The following RPS6KC1 variants were observed in gnomAD, a reference collection of about 807,000 sequenced individuals.
The protein encoded by RPS6KC1 is inactive ribosomal protein S6 kinase delta-1.
In RPS6KC1, 54 loss-of-function variants were observed where a neutral mutation model predicts 103.8. The observed-to-expected ratio is 0.52, with a 90% CI of 0.42 to 0.65. The LOEUF is 0.65. RPS6KC1 is among the 30% of genes least tolerant of loss of function. RPS6KC1 has a pLI of 0.00. For synonymous variants in RPS6KC1, 439 were observed against 438.7 expected (o/e 1.00, Z -0.01); for missense variants, 1,151 against 1,253.8 (o/e 0.92, Z 1.24).
the RPS6KC1 span, among the ~76,000 whole-genome samples, chr1:213,578,676 C>G: frequency 5.3e-5 from 8 of 152,224 alleles, no homozygotes; most frequent in African/African-American, 1.7e-4. Context: ...GGCCTGTAGC[C>G]CCTTCATTTT....
chr1:213,722,658 C>G, the RPS6KC1 span, among the ~76,000 whole-genome samples: 1 of 152,122 alleles, frequency 6.6e-6, no homozygotes, highest in South Asian at 2.1e-4. Flanking sequence ...CCAGAGTGAA[C>G]AAGGGACACC....
At chr1:213,168,051 A>G (rs1025622775) in intron 7 of RPS6KC1, 78 bp downstream of exon 7, 2 of 790,262 alleles carry the variant, frequency 2.5e-6, no homozygotes, top group Admixed American at 3.0e-5. Context: ...TCTAATTAGA[A>G]TGTTATAGGA....
intron 4 of RPS6KC1, among the ~76,000 whole-genome samples, chr1:213,115,840 A>T (rs944805884): frequency 3.9e-5 from 6 of 152,276 alleles, no homozygotes; most frequent in Non-Finnish European, 7.3e-5. Context: ...CAGGTTGTTC[A>T]GTTTCCATGT....
intron 1 of RPS6KC1, among the ~76,000 whole-genome samples, chr1:213,052,773 C>T (rs1293039862): frequency 6.6e-6 from 1 of 152,056 alleles, no homozygotes; most frequent in Admixed American, 6.6e-5. Context: ...AAGTCCTGAC[C>T]TCAGTTGATC....
At chr1:213,382,770 G>A in the RPS6KC1 span, among the ~76,000 whole-genome samples, 1 of 152,138 alleles carries the variant, frequency 6.6e-6, no homozygotes, top group Non-Finnish European at 1.5e-5. Context: ...TCATCGCTGT[G>A]CTGGACACCC....
the RPS6KC1 span, among the ~76,000 whole-genome samples, chr1:213,851,051 C>T: frequency 2.0e-5 from 3 of 151,976 alleles, no homozygotes; most frequent in Non-Finnish European, 4.4e-5. Context: ...GTAGCCAGTC[C>T]ACCTCTTCAT....
the RPS6KC1 span, among the ~76,000 whole-genome samples, chr1:213,447,339 C>G: frequency 1.3e-5 from 2 of 152,136 alleles, no homozygotes; most frequent in African/African-American, 4.8e-5. Context: ...ATACCCCAGC[C>G]TCCCAAAGTG....
At chr1:213,731,009 C>T in the RPS6KC1 span, among the ~76,000 whole-genome samples, 1 of 152,184 alleles carries the variant, frequency 6.6e-6, no homozygotes, top group Non-Finnish European at 1.5e-5. Context: ...GTTATCCCAG[C>T]ACCATTTATT....
At chr1:213,171,880 T>C (rs1355940067) in intron 7 of RPS6KC1, among the ~76,000 whole-genome samples, 2 of 152,148 alleles carry the variant, frequency 1.3e-5, no homozygotes, top group Non-Finnish European at 2.9e-5. Context: ...AAGCCAAAAA[T>C]TCATGGATGA....
intron 14 of RPS6KC1, among the ~76,000 whole-genome samples, chr1:213,263,975 CA>C (rs961948956): frequency 2.6e-4 from 40 of 151,724 alleles, no homozygotes; most frequent in African/African-American, 8.7e-4. Flanking sequence ...ATGGTTTGAA[CA>C]AAGGCAAGGA....
the RPS6KC1 span, among the ~76,000 whole-genome samples, chr1:213,453,854 A>C: frequency 6.6e-6 from 1 of 152,306 alleles, no homozygotes; most frequent in South Asian, 2.1e-4. Context: ...CCAGGTCTGA[A>C]CTGTGGCAGG....
the RPS6KC1 span, among the ~76,000 whole-genome samples, chr1:213,734,359 T>A: frequency 2.0e-5 from 3 of 152,374 alleles, no homozygotes; most frequent in South Asian, 6.2e-4. Context: ...AATGGCCACA[T>A]GAGAGTGGCT....
At chr1:213,250,740 A>G (rs772304409) in intron 12 of RPS6KC1, among the ~76,000 whole-genome samples, 6 of 152,226 alleles carry the variant, frequency 3.9e-5, no homozygotes, top group African/African-American at 7.2e-5. Flanking sequence ...CGAACCTGGA[A>G]TTAAAATGAA....
At chr1:213,829,430 G>T in the RPS6KC1 span, among the ~76,000 whole-genome samples, 1 of 152,166 alleles carries the variant, frequency 6.6e-6, no homozygotes. Flanking sequence ...GTGTTAGTAA[G>T]AAATCAGTGA....
At chr1:213,198,791 A>G (rs947047013) in intron 8 of RPS6KC1, among the ~76,000 whole-genome samples, 9 of 152,168 alleles carry the variant, frequency 5.9e-5, no homozygotes. Flanking sequence ...GTTATCTGCA[A>G]TCTCTTCTAG....
chr1:213,477,565 A>G, the RPS6KC1 span, among the ~76,000 whole-genome samples: 1 of 152,184 alleles, frequency 6.6e-6, no homozygotes, highest in South Asian at 2.1e-4. Context: ...TAAAATTTGT[A>G]GTTACTGATC....
rs1295672459 is a variant in RPS6KC1, at chr1:213,262,731, A to G, written c.3005A>G (p.Glu1002Gly). 6 of 1,605,606 alleles carry G rather than the reference A, an allele frequency of 3.7e-6. No homozygotes were observed. The highest frequency in any genetic ancestry group is 5.1e-6 in the Non-Finnish European group (6 of 1,172,282). ...FELLTGKTLV[E>G]CHPAGINTHT... Reference sequence around the variant, plus strand: ...GATTGATTGTTTCAGACTCTGGTTGAATGCCATCCAGCAGGAATAAATACT... The same window carrying G: ...GATTGATTGTTTCAGACTCTGGTTGGATGCCATCCAGCAGGAATAAATACT... Residue 1002 changes from glutamate (E) to glycine (G), a missense_variant, in exon 14 of 15, where the codon GAA (glutamate) becomes GGA (glycine). Glu to Gly is a moderately conservative substitution (Grantham distance 98). Transcript: ENST00000366960.
chr1:213,696,251 G>A, the RPS6KC1 span, among the ~76,000 whole-genome samples: 1 of 152,124 alleles, frequency 6.6e-6, no homozygotes, highest in Non-Finnish European at 1.5e-5. Flanking sequence ...TGTAATTCCG[G>A]CACTTTGGGA....
the RPS6KC1 span, among the ~76,000 whole-genome samples, chr1:213,569,379 A>G: frequency 6.6e-6 from 1 of 152,170 alleles, no homozygotes; most frequent in Non-Finnish European, 1.5e-5. Context: ...CCTAACAAAC[A>G]CATCCTAAGG....
Sources: allele counts gnomAD v4.1 joint callset (sites outside exome capture counted in the v4.1 genomes callset), GRCh38; gene constraint gnomAD v4.1.1; transcripts MANE v1.5; gene names NCBI Gene and HGNC (gene_info 2026-07-23, HGNC 2026-07-21).